The following TENM2 variants were observed in gnomAD, a reference collection of about 807,000 sequenced individuals.
TENM2 encodes the protein teneurin-2.
In TENM2, 52 loss-of-function variants were observed where a neutral mutation model predicts 245.2. That is an observed-to-expected ratio of 0.21 (90% CI 0.17 to 0.27). The LOEUF (loss-of-function observed/expected upper bound fraction) is 0.27, where lower values mean the gene tolerates loss of function less well. Among genes scored for constraint, TENM2 ranks in the 10% least tolerant of loss-of-function variants. The pLI is 1.00. For synonymous variants in TENM2, 1,363 were observed against 1,438.9 expected (o/e 0.95, Z 1.19); for missense variants, 3,046 against 3,666.8 (o/e 0.83, Z 4.37).
rs915406053 is a variant in TENM2, at chr5:167,717,602, AT to A, written c.503-158376del. On this transcript the variant is annotated intron_variant, in intron 2 of 28. Transcript: ENST00000518659. The stretch of plus-strand genomic sequence containing the variant: ...AATTTCAGAATAAAAAAATTAATTA[AT>A]TTTTTTTGGCTTCTTGAGTAAGTGT... 8.6e-4 allele frequency among the ~76,000 whole-genome samples: 131 copies of A among 151,980 alleles called. 2 individuals are homozygous for A. The highest frequency in any genetic ancestry group is 2.8e-3 in the African/African-American group (118 of 41,454).
chr5:167,887,907 C>A (rs2151443006), intron 3 of TENM2, among the ~76,000 whole-genome samples: 1 of 152,266 alleles, frequency 6.6e-6, no homozygotes, highest in South Asian at 2.1e-4. Flanking sequence ...CTTGTGGTAG[C>A]TGCCAGCAAC....
At chr5:168,142,450 C>A (rs1755640156) in intron 12 of TENM2, among the ~76,000 whole-genome samples, 1 of 152,156 alleles carries the variant, frequency 6.6e-6, no homozygotes, top group Non-Finnish European at 1.5e-5. Flanking sequence ...GTAAGGCAAC[C>A]ATTAAAACAA....
intron 3 of TENM2, among the ~76,000 whole-genome samples, chr5:167,947,382 T>C (rs938198727): frequency 1.3e-5 from 2 of 152,198 alleles, no homozygotes; most frequent in African/African-American, 4.8e-5. Context: ...AACAATCATG[T>C]ATGAGAAGTA....
the TENM2 span, among the ~76,000 whole-genome samples, chr5:167,139,112 C>T: frequency 6.6e-6 from 1 of 152,182 alleles, no homozygotes; most frequent in Non-Finnish European, 1.5e-5. Flanking sequence ...TTTTCTTGGT[C>T]ACAATTGCCA....
chr5:168,004,509 GCGCGCGCGCACACACACACA>G (rs1784659011), intron 5 of TENM2, among the ~76,000 whole-genome samples: 40 of 113,338 alleles, frequency 3.5e-4, no homozygotes, highest in African/African-American at 1.3e-3. Flanking sequence ...GCACGCATGC[GCGCGCGCGCACACACACACA>G]CACACACACA....
chr5:167,009,203 A>G, the TENM2 span, among the ~76,000 whole-genome samples: 12 of 152,138 alleles, frequency 7.9e-5, no homozygotes, highest in Non-Finnish European at 1.5e-4. Flanking sequence ...ACAGGTGTGC[A>G]TGTTTGCGTG....
the TENM2 span, among the ~76,000 whole-genome samples, chr5:167,101,921 C>A: frequency 2.8e-5 from 3 of 105,760 alleles, no homozygotes; most frequent in Non-Finnish European, 3.7e-5. Flanking sequence ...CACATATATA[C>A]AATTATATAT....
At chr5:167,535,201 C>T (rs1014809832) in intron 2 of TENM2, among the ~76,000 whole-genome samples, 5 of 151,784 alleles carry the variant, frequency 3.3e-5, no homozygotes, top group Non-Finnish European at 7.4e-5. Context: ...GGGGTATCTG[C>T]TTATACGACA....
chr5:167,493,512 T>A (rs1390042685), intron 2 of TENM2, among the ~76,000 whole-genome samples: 1 of 152,038 alleles, frequency 6.6e-6, no homozygotes, highest in Non-Finnish European at 1.5e-5. Context: ...TTTGTGGGTA[T>A]CAAATAAAAC....
At chr5:167,288,226 G>A (rs925833091) in intron 1 of TENM2, among the ~76,000 whole-genome samples, 1 of 152,084 alleles carries the variant, frequency 6.6e-6, no homozygotes, top group Non-Finnish European at 1.5e-5. Flanking sequence ...ATGGTTTTTA[G>A]GTATATTAAA....
At chr5:167,520,605 C>T (rs1188275216) in intron 2 of TENM2, among the ~76,000 whole-genome samples, 1 of 151,950 alleles carries the variant, frequency 6.6e-6, no homozygotes, top group Non-Finnish European at 1.5e-5. Context: ...ATAGATTGTT[C>T]CTGATACCAA....
At chr5:168,099,933 G>C (rs1793672407) in intron 9 of TENM2, among the ~76,000 whole-genome samples, 1 of 152,132 alleles carries the variant, frequency 6.6e-6, no homozygotes, top group South Asian at 2.1e-4. Flanking sequence ...CCTTGAAGAG[G>C]TCCTTCACAT....
At chr5:167,692,378 CA>C (rs1438589776) in intron 2 of TENM2, among the ~76,000 whole-genome samples, 2 of 152,120 alleles carry the variant, frequency 1.3e-5, no homozygotes. Flanking sequence ...ACACAGTTTC[CA>C]GATCATCACC....
At chr5:167,211,951 CAGATGATAAAACTGA>C in the TENM2 span, among the ~76,000 whole-genome samples, 1 of 152,124 alleles carries the variant, frequency 6.6e-6, no homozygotes, top group South Asian at 2.1e-4. Flanking sequence ...TCTCATTTTA[CAGATGATAAAACTGA>C]GGGTATAGAA....
At chr5:167,837,097 C>G (rs72835611) in intron 2 of TENM2, among the ~76,000 whole-genome samples, 19,596 of 143,042 alleles carry the variant, frequency 0.14, 1,536 homozygotes, top group Non-Finnish European at 0.18. Context: ...CACACACACA[C>G]AGAGATATAT....
chr5:167,282,625 T>G (rs1478418760), upstream of TENM2, among the ~76,000 whole-genome samples: 1 of 152,200 alleles, frequency 6.6e-6, no homozygotes, highest in Non-Finnish European at 1.5e-5. Flanking sequence ...ATTTTCTATT[T>G]CAGCTGATTG....
chr5:167,017,344 C>T, the TENM2 span, among the ~76,000 whole-genome samples: 4 of 152,134 alleles, frequency 2.6e-5, no homozygotes, highest in African/African-American at 4.8e-5. Context: ...ATCTGTGTAA[C>T]GTTGGACAAG....
At chr5:167,286,145 A>G (rs185687966) in intron 1 of TENM2, among the ~76,000 whole-genome samples, 93 of 152,306 alleles carry the variant, frequency 6.1e-4, no homozygotes, top group South Asian at 2.1e-3. Flanking sequence ...ATCTTTTTAT[A>G]CACTCCTGGT....
intron 5 of TENM2, among the ~76,000 whole-genome samples, chr5:167,998,426 G>C (rs955560016): frequency 6.6e-6 from 1 of 152,196 alleles, no homozygotes; most frequent in African/African-American, 2.4e-5. Flanking sequence ...AAGGAAGAAA[G>C]ATGCTTCTCA....
Sources: gnomAD v4.1 joint callset for allele counts (sites outside exome capture counted in the v4.1 genomes callset) on GRCh38, gnomAD v4.1.1 for gene constraint, MANE v1.5 for transcripts, NCBI Gene and HGNC (gene_info 2026-07-23, HGNC 2026-07-21) for gene names.